DNAJA1: variants seen among roughly 807,000 people sequenced by gnomAD.
DNAJA1 encodes the protein dnaJ homolog subfamily A member 1.
A neutral mutation model predicts 47.6 loss-of-function variants in DNAJA1; 26 were observed. The observed-to-expected ratio is 0.55, with a 90% CI of 0.40 to 0.76. The LOEUF is 0.76. DNAJA1 is among the 30% of genes least tolerant of loss of function. The pLI is 0.00. For synonymous variants in DNAJA1, 165 were observed against 158.4 expected, an observed-to-expected ratio of 1.04 and a Z score of -0.31; for missense variants, 315 against 485.0, an observed-to-expected ratio of 0.65 and a Z score of 3.29.
Position 33,038,687 on chromosome 9 carries a change from A to G in DNAJA1, c.978A>G (p.Val326=), listed in dbSNP as rs752060167. 3.7e-5 allele frequency: 59 copies of G among 1,613,512 alleles called. No individual in the cohort carries two copies. The South Asian group carries it at 6.0e-4, about 17-fold the overall frequency. Residue 326 remains valine, a splice_region_variant and synonymous_variant, in exon 9 of 9, where the codon GTA becomes GTG. Transcript: ENST00000330899. ...EKGRLIIEFK[V]NFPENGFLSP... ...AACAGTGAAAGTTTCTTTTGAAGGTAAACTTTCCTGAGAATGGCTTTCTCT... is the reference window on the plus strand; with the variant it reads ...AACAGTGAAAGTTTCTTTTGAAGGTGAACTTTCCTGAGAATGGCTTTCTCT...
At chr9:33,035,548 C>A (rs1194914410) in intron 6 of DNAJA1, among the ~76,000 whole-genome samples, 1 of 152,242 alleles carries the variant, frequency 6.6e-6, no homozygotes, top group East Asian at 1.9e-4. Flanking sequence ...TGGCTCACTG[C>A]AACCTCCAAC....
intron 4 of DNAJA1, 78 bp downstream of exon 4, chr9:33,030,067 C>G: frequency 1.5e-6 from 2 of 1,335,574 alleles, no homozygotes; most frequent in Non-Finnish European, 2.1e-6. Context: ...GCTAAGACTT[C>G]TAGATAGATA....
chr9:33,033,939 G>C (rs774886072), intron 5 of DNAJA1, among the ~76,000 whole-genome samples: 5 of 152,084 alleles, frequency 3.3e-5, no homozygotes, highest in Non-Finnish European at 5.9e-5. Context: ...CTGTGGGAAA[G>C]TTGAAACTTG....
chr9:33,029,829 C>T, intron 3 of DNAJA1, 56 bp from the exon 4 acceptor site: 1 of 1,437,440 alleles, frequency 7.0e-7, no homozygotes, highest in Non-Finnish European at 9.6e-7. Flanking sequence ...GTGCCTTTAG[C>T]ACAAATAAGA....
chr9:33,037,329 AAAAT>A, intron 8 of DNAJA1: 1 of 344,938 alleles, frequency 2.9e-6, no homozygotes, highest in Non-Finnish European at 5.4e-6. Flanking sequence ...AAAAAAAAAA[AAAAT>A]TAAAATTTCT....
chr9:33,038,848 C>G lies in DNAJA1; in HGVS notation c.1139C>G (p.Ala380Gly). 1 of 1,613,960 alleles carries G rather than the reference C, an allele frequency of 6.2e-7. No homozygotes were observed. The highest frequency in any genetic ancestry group is 8.5e-7 in the Non-Finnish European group (1 of 1,180,006). ...QERRRHYNGEAYEDDEHHPRG... is the reference protein window; with the variant it reads ...QERRRHYNGEGYEDDEHHPRG... ...AGACGGCGCCACTACAATGGAGAAG[C>G]ATATGAGGATGATGAACATCATCCC... is the stretch of plus-strand genomic sequence containing the variant. Residue 380 changes from alanine (A) to glycine (G), a missense_variant, in exon 9 of 9, where the codon GCA becomes GGA. Ala to Gly is a moderately conservative substitution (Grantham distance 60). Transcript: ENST00000330899.
intron 2 of DNAJA1, 80 bp from the exon 3 acceptor site, chr9:33,026,730 CTTT>C: frequency 6.4e-7 from 1 of 1,571,672 alleles, no homozygotes; most frequent in Non-Finnish European, 8.6e-7. Context: ...ACTTCTCGGC[CTTT>C]TTAGCTAAGA....
intron 7 of DNAJA1, 66 bp from the exon 8 acceptor site, chr9:33,036,949 T>G: frequency 7.0e-7 from 1 of 1,429,046 alleles, no homozygotes; most frequent in Non-Finnish European, 9.7e-7. Context: ...TGCTCTGTTC[T>G]TTATATTCCC....
rs74178843 is a variant in DNAJA1 at position 33,037,998 on chromosome 9, CT to C, written c.976-671del. ...GTCACCATAAAAATATTAATTAAAA[CT>C]TTTTTTTTTTTTTTTCCTTTTTGAG... On this transcript the variant is annotated intron_variant, in intron 8 of 8. Transcript: ENST00000330899. 7.0e-3 allele frequency among the ~76,000 whole-genome samples: 1,012 copies of C among 144,290 alleles called. 18 individuals carry two copies. The highest frequency in any genetic ancestry group is 0.06 in the East Asian group (298 of 4,932). 94.7% of individuals were successfully genotyped at this position (144,290 alleles called of 152,430 possible). A position where few individuals can be genotyped will look rare whatever the true frequency, so the allele number is the denominator to read the frequency against.
chr9:33,027,132 G>A, intron 3 of DNAJA1, 142 bp downstream of exon 3: 1 of 1,004,160 alleles, frequency 1.0e-6, no homozygotes, highest in Non-Finnish European at 1.4e-6. Flanking sequence ...CTGATTTATG[G>A]TGTCGTGTTT....
intron 3 of DNAJA1, among the ~76,000 whole-genome samples, chr9:33,028,215 A>T (rs867444406): frequency 7.9e-5 from 12 of 152,174 alleles, no homozygotes; most frequent in Non-Finnish European, 5.9e-5. Context: ...ATAGCAAGCC[A>T]ACAGAGCCAG....
chr9:33,026,617 G>A lies in DNAJA1; in HGVS notation c.132+1G>A, dbSNP rs1417858483. 6.2e-7 allele frequency: 1 copy of A among 1,601,190 alleles called. No individual in the cohort carries two copies. The highest frequency in any genetic ancestry group is 8.5e-7 in the Non-Finnish European group (1 of 1,176,950). On this transcript the variant is annotated splice_donor_variant, in intron 2 of 8. Transcript: ENST00000330899. LOFTEE classifies it high-confidence loss of function. ...TAAGAACCCAAATGAAGGAGAGAAGGTGAATAGTATCTACTCTTAAACGTA... is the reference window on the plus strand; with the variant it reads ...TAAGAACCCAAATGAAGGAGAGAAGATGAATAGTATCTACTCTTAAACGTA...
chr9:33,037,863 T>G (rs1306079082), intron 8 of DNAJA1, among the ~76,000 whole-genome samples: 2 of 152,142 alleles, frequency 1.3e-5, no homozygotes, highest in African/African-American at 2.4e-5. Flanking sequence ...CATCTTAAAG[T>G]TGAGAGGTGC....
intron 1 of DNAJA1, 43 bp from the exon 2 acceptor site, chr9:33,026,432 C>G: frequency 6.4e-7 from 1 of 1,573,046 alleles, no homozygotes; most frequent in East Asian, 2.3e-5. Flanking sequence ...TTATTAAAAG[C>G]TACCAGTTGA....
In DNAJA1 at chr9:33,030,502, A is replaced by G. The variant is rs745676787; in HGVS notation, c.478A>G (p.Ile160Val). 4.3e-6 allele frequency: 7 copies of G among 1,613,956 alleles called. No homozygotes were observed. The highest frequency in any genetic ancestry group is 1.7e-5 in the Admixed American group (1 of 60,004). ...CPNCRGTGMQ[I>V]RIHQIGPGMV... Reference sequence around the variant, plus strand: ...CAATTGCCGAGGTACTGGAATGCAAATAAGAATTCATCAGATAGGACCTGG... The same window carrying G: ...CAATTGCCGAGGTACTGGAATGCAAGTAAGAATTCATCAGATAGGACCTGG... The change falls in exon 5 of 9, where the codon ATA becomes GTA. Residue 160 changes from isoleucine to valine, a missense_variant. This residue lies in a region of DNAJA1 where 8 missense variants were observed against 43.4 expected (regional missense o/e 0.18). Coordinates refer to ENST00000330899, the MANE Select transcript of DNAJA1 (RefSeq NM_001539.4).
Position 33,035,137 on chromosome 9 carries a change from C to T in DNAJA1, c.758+807C>T, listed in dbSNP as rs113249578. Among the ~76,000 whole-genome samples the T allele has an allele frequency of 4.2e-3, 639 of 151,188 alleles. 3 individuals are homozygous for T. The highest frequency in any genetic ancestry group is 0.015 in the African/African-American group (611 of 41,094). On this transcript the variant is annotated intron_variant, in intron 6 of 8. Coordinates refer to ENST00000330899, the MANE Select transcript of DNAJA1 (RefSeq NM_001539.4). ...TTTCAGCTTGGTTTGGTGGCTTACG[C>T]CTGTAATCCCAACACTTTAGGAGGC...
rs1210700164 is a variant in DNAJA1 at position 33,027,282 on chromosome 9, A to G, written c.310+292A>G. Among the ~76,000 whole-genome samples the G allele has an allele frequency of 6.6e-6, 1 of 151,496 alleles. No individual in the cohort carries two copies. Among genetic ancestry groups the G allele is most frequent in the Non-Finnish European group, 1.5e-5 (1 of 67,858 alleles). On this transcript the variant is annotated intron_variant, in intron 3 of 8. Coordinates refer to ENST00000330899, the MANE Select transcript of DNAJA1 (RefSeq NM_001539.4). ...GCGATTCTCCTGCCTCAGCCTCCCA[A>G]GTAGCTGGGATTACAGGCATGTGCC...
rs1455517333 is a variant in DNAJA1 at position 33,026,929 on chromosome 9, C to A, written c.249C>A (p.Ser83=). ...KEGGAGGGFG[S]PMDIFDMFFG... ...GTGGAGCAGGTGGCGGTTTTGGCTCCCCCATGGACATCTTTGATATGTTTT... is the reference window on the plus strand; with the variant it reads ...GTGGAGCAGGTGGCGGTTTTGGCTCACCCATGGACATCTTTGATATGTTTT... Residue 83 remains serine, a synonymous_variant, in exon 3 of 9, where the codon TCC becomes TCA. Transcript: ENST00000330899. 1.2e-6 allele frequency: 2 copies of A among 1,613,902 alleles called. No individual in the cohort carries two copies. Among genetic ancestry groups the A allele is most frequent in the African/African-American group, 1.3e-5 (1 of 74,850 alleles).
chr9:33,034,378 G>T lies in DNAJA1; in HGVS notation c.758+48G>T, dbSNP rs760685822. On this transcript the variant is annotated intron_variant, in intron 6 of 8. Transcript: ENST00000330899. Reference sequence around the variant, plus strand: ...CAAATTGATATCACATATTTGGGTTGTTGGTTTTGTTTTTTGTTTTTTTGT... The same window carrying T: ...CAAATTGATATCACATATTTGGGTTTTTGGTTTTGTTTTTTGTTTTTTTGT... 12 of 1,476,144 alleles carry T rather than the reference G, an allele frequency of 8.1e-6. No homozygotes were observed. In the Admixed American group the frequency reaches 1.5e-4, roughly 18 times the overall value. 91.4% of individuals were successfully genotyped at this position (1,476,144 alleles called of 1,614,324 possible). A position where few individuals can be genotyped will look rare whatever the true frequency, so the allele number is the denominator to read the frequency against.
Sources: gnomAD v4.1 joint callset for allele counts (sites outside exome capture counted in the v4.1 genomes callset) on GRCh38, gnomAD v4.1.1 for gene constraint, gnomAD v4.1.1 regional missense constraint, MANE v1.5 for transcripts, NCBI Gene and HGNC (gene_info 2026-07-23, HGNC 2026-07-21) for gene names.